The following DCUN1D4 variants were observed in gnomAD, a reference collection of about 807,000 sequenced individuals.
DCUN1D4 encodes the protein defective in cullin neddylation 1 domain containing 4, also known as DCN1-like protein 4.
In DCUN1D4, 22 loss-of-function variants were observed where a neutral mutation model predicts 47.9. That is an observed-to-expected ratio of 0.46 (90% CI 0.33 to 0.66). The LOEUF is 0.66. Ranked by LOEUF, DCUN1D4 falls within the 30% of genes least tolerant of loss-of-function variation. DCUN1D4 has a pLI of 0.02. For missense variants in DCUN1D4, 301 were observed against 340.8 expected (o/e 0.88, Z 0.92); for synonymous variants, 121 against 112.2 (o/e 1.08, Z -0.50).
chr4:51,839,083 CAG>C (rs1220908716), upstream of DCUN1D4, among the ~76,000 whole-genome samples: 4 of 137,758 alleles, frequency 2.9e-5, no homozygotes, highest in East Asian at 2.1e-4. Context: ...TCAAAAGAGA[CAG>C]AGAGAGAGAG....
intron 6 of DCUN1D4, 199 bp downstream of exon 6, chr4:51,886,837 T>A: frequency 3.6e-6 from 2 of 553,304 alleles, no homozygotes; most frequent in South Asian, 4.3e-5. Context: ...TAACTACAGT[T>A]ATTTTTTCTC....
chr4:51,853,085 A>T (rs1723604307), intron 1 of DCUN1D4, among the ~76,000 whole-genome samples: 1 of 152,160 alleles, frequency 6.6e-6, no homozygotes, highest in African/African-American at 2.4e-5. Context: ...TTGGGAGTGC[A>T]GCCAGACGGG....
chr4:51,848,211 G>A (rs527388875), intron 1 of DCUN1D4: 1 of 1,289,098 alleles, frequency 7.8e-7, no homozygotes, highest in Non-Finnish European at 1.0e-6. Flanking sequence ...GCAGATATCA[G>A]TTTTAGAGAA....
At chr4:51,843,621 G>C (rs1161670042) in intron 1 of DCUN1D4, 3 of 1,262,122 alleles carry the variant, frequency 2.4e-6, no homozygotes, top group Non-Finnish European at 3.0e-6. Flanking sequence ...GTAGCGGGCA[G>C]GGCCGGGGAT....
rs1577933344 is a variant in DCUN1D4 at position 51,874,125 on chromosome 4, G to T, written c.137-146G>T. 1.7e-5 allele frequency: 8 copies of T among 458,394 alleles called. No homozygotes were observed. In the East Asian group the frequency reaches 2.7e-4, roughly 16 times the overall value. 28.4% of individuals were successfully genotyped at this position (458,394 alleles called of 1,614,324 possible). A position where few individuals can be genotyped will look rare whatever the true frequency, so the allele number is the denominator to read the frequency against. On this transcript the variant is annotated intron_variant, in intron 3 of 10. Transcript: ENST00000334635. ...TTGACCATAACATTTTTTCAAAAAG[G>T]AACTAAAAACCCATCTTTTCTTTAA...
intron 6 of DCUN1D4, among the ~76,000 whole-genome samples, chr4:51,887,607 T>G (rs1024385687): frequency 2.6e-5 from 4 of 152,202 alleles, no homozygotes; most frequent in African/African-American, 9.7e-5. Flanking sequence ...TTACATTAGC[T>G]CCAGTTTAAT....
chr4:51,834,097 TTCTTTCTTTTTTTTTTC>T, the DCUN1D4 span, among the ~76,000 whole-genome samples: 2 of 131,490 alleles, frequency 1.5e-5, no homozygotes, highest in Non-Finnish European at 1.5e-5. Context: ...TTTTCTTTTC[TTCTTTCTTTTTTTTTTC>T]TTTTTTTTTT....
At chr4:51,860,353 C>T (rs1378927079) in intron 1 of DCUN1D4, among the ~76,000 whole-genome samples, 3 of 152,072 alleles carry the variant, frequency 2.0e-5, no homozygotes, top group Non-Finnish European at 2.9e-5. Flanking sequence ...AAACTTCATA[C>T]GTGGAACCTG....
chr4:51,903,905 CAT>C (rs1447523993), intron 8 of DCUN1D4, among the ~76,000 whole-genome samples: 1 of 152,052 alleles, frequency 6.6e-6, no homozygotes, highest in East Asian at 1.9e-4. Flanking sequence ...ATTTCTAGAA[CAT>C]GTTTATAGTA....
intron 7 of DCUN1D4, among the ~76,000 whole-genome samples, chr4:51,896,508 C>G (rs1380908545): frequency 6.6e-6 from 1 of 152,086 alleles, no homozygotes; most frequent in Non-Finnish European, 1.5e-5. Context: ...ACAGGGACCT[C>G]GACCTTATGT....
chr4:51,848,064 A>G (rs2109803791), intron 1 of DCUN1D4: 1 of 547,320 alleles, frequency 1.8e-6, no homozygotes, highest in Middle Eastern at 5.7e-4. Flanking sequence ...ATCTAGAAAA[A>G]TTAATTCTTC....
chr4:51,879,731 C>T (rs74540907), intron 5 of DCUN1D4, among the ~76,000 whole-genome samples: 1 of 152,188 alleles, frequency 6.6e-6, no homozygotes, highest in Non-Finnish European at 1.5e-5. Context: ...TATTGATTCA[C>T]ATTTATTGTT....
At chr4:51,839,422 T>A (rs777805166), upstream of DCUN1D4, among the ~76,000 whole-genome samples, 10 of 152,180 alleles carry the variant, frequency 6.6e-5, no homozygotes, top group Non-Finnish European at 1.2e-4. Flanking sequence ...CTCCACTGTG[T>A]TGTTGTGAAG....
At chr4:51,895,869 C>T (rs535856673) in intron 7 of DCUN1D4, among the ~76,000 whole-genome samples, 11 of 152,238 alleles carry the variant, frequency 7.2e-5, no homozygotes, top group Non-Finnish European at 1.5e-4. Context: ...ATACATGGTA[C>T]ACAGAAACAT....
intron 1 of DCUN1D4, among the ~76,000 whole-genome samples, chr4:51,853,901 C>T (rs1165112633): frequency 3.3e-5 from 5 of 152,194 alleles, no homozygotes; most frequent in Admixed American, 1.3e-4. Context: ...ATAGCCAATT[C>T]TTGGTAGTGC....
chr4:51,843,703 A>C (rs1721974525), intron 1 of DCUN1D4: 1 of 1,228,256 alleles, frequency 8.1e-7, no homozygotes, highest in Non-Finnish European at 1.0e-6. Flanking sequence ...GAGGATTTCC[A>C]AAGGGCTGAG....
At chr4:51,850,687 C>T (rs551704556) in intron 1 of DCUN1D4, among the ~76,000 whole-genome samples, 9 of 151,888 alleles carry the variant, frequency 5.9e-5, no homozygotes, top group South Asian at 2.1e-4. Flanking sequence ...TTGTGTAATA[C>T]GTCAGATGGT....
chr4:51,844,420 C>G (rs1380140911), intron 1 of DCUN1D4: 3 of 978,662 alleles, frequency 3.1e-6, no homozygotes, highest in Non-Finnish European at 3.6e-6. Context: ...GCGCGGGCTC[C>G]GGCAGCGGGA....
Position 51,913,710 on chromosome 4 carries a change from T to A in DCUN1D4, c.*126T>A, listed in dbSNP as rs1213279399. On this transcript the variant is annotated 3_prime_UTR_variant, in exon 11 of 11. Coordinates refer to ENST00000334635, the MANE Select transcript of DCUN1D4 (RefSeq NM_001040402.3). ...ACTGTTTCCCTTTCGCAGGGACATG[T>A]TGGTGTTTGCTATTGAATTGGCCAG... 5.8e-6 allele frequency: 5 copies of A among 864,722 alleles called. No homozygotes were observed. The highest frequency in any genetic ancestry group is 7.4e-6 in the Non-Finnish European group (4 of 542,432). 53.6% of individuals were successfully genotyped at this position (864,722 alleles called of 1,614,324 possible).
Sources: gnomAD v4.1 joint callset for allele counts (sites outside exome capture counted in the v4.1 genomes callset) on GRCh38, gnomAD v4.1.1 for gene constraint, MANE v1.5 for transcripts, NCBI Gene and HGNC (gene_info 2026-07-23, HGNC 2026-07-21) for gene names.